Variants in ESRRG observed in about 807,000 individuals in gnomAD.
ESRRG encodes estrogen related receptor gamma, also known as estrogen-related receptor gamma.
Under a neutral mutation model 44.0 loss-of-function variants are expected in ESRRG, and 13 were observed. The ratio of observed to expected loss-of-function variants is 0.30; its 90% CI spans 0.19 to 0.47. The LOEUF (loss-of-function observed/expected upper bound fraction) is 0.47. Among genes scored for constraint, ESRRG ranks in the 20% least tolerant of loss-of-function variants. The pLI is 1.00. For synonymous variants in ESRRG, 215 were observed against 214.6 expected (o/e 1.00, Z -0.02); for missense variants, 395 against 580.6 (o/e 0.68, Z 3.29).
rs191990461 is a variant in ESRRG at position 216,567,462 on chromosome 1, G to C, written c.700+526C>G. Among the ~76,000 whole-genome samples, 500 of 152,248 alleles carry C rather than the reference G, an allele frequency of 3.3e-3. 3 individuals are homozygous for C. The highest frequency in any genetic ancestry group is 4.5e-3 in the Non-Finnish European group (309 of 68,028). On this transcript the variant is annotated intron_variant, in intron 4 of 6. Transcript: ENST00000408911. ...CAGCCACCTATGCTTGTTATTAGTA[G>C]TGCCCATTCTTGTTTTAATCTATTG...
intron 1 of ESRRG, among the ~76,000 whole-genome samples, chr1:217,026,888 T>TACAC (rs71163785): frequency 0.015 from 1,562 of 105,278 alleles, 63 homozygotes; most frequent in Admixed American, 0.072. Context: ...CACACACACA[T>TACAC]ACACACACAC....
chr1:216,980,405 T>C (rs544590512), intron 1 of ESRRG, among the ~76,000 whole-genome samples: 10 of 152,182 alleles, frequency 6.6e-5, no homozygotes, highest in African/African-American at 2.2e-4. Flanking sequence ...TTACTCCAAG[T>C]CTGTTTTATT....
intron 1 of ESRRG, among the ~76,000 whole-genome samples, chr1:217,016,210 G>T (rs1579528991): frequency 6.6e-6 from 1 of 152,128 alleles, no homozygotes; most frequent in Non-Finnish European, 1.5e-5. Context: ...TGCAGACTGA[G>T]ATAGTCTGCA....
intron 5 of ESRRG, among the ~76,000 whole-genome samples, chr1:216,550,248 A>G (rs2055876654): frequency 6.6e-6 from 1 of 152,156 alleles, no homozygotes; most frequent in Non-Finnish European, 1.5e-5. Flanking sequence ...TGAAAATACT[A>G]AAAATTGACT....
chr1:216,753,693 T>C (rs1405389686), intron 2 of ESRRG, among the ~76,000 whole-genome samples: 1 of 152,098 alleles, frequency 6.6e-6, no homozygotes, highest in Admixed American at 6.6e-5. Context: ...TAACAAAGTG[T>C]ATAGGTATAG....
At chr1:216,738,206 A>G (rs1485352328) in intron 2 of ESRRG, among the ~76,000 whole-genome samples, 2 of 152,138 alleles carry the variant, frequency 1.3e-5, no homozygotes, top group Non-Finnish European at 2.9e-5. Context: ...TGCAGCCAAC[A>G]TTAAAAAGAA....
chr1:217,086,289 G>A (rs2151533024), intron 1 of ESRRG, among the ~76,000 whole-genome samples: 1 of 152,318 alleles, frequency 6.6e-6, no homozygotes, highest in Non-Finnish European at 1.5e-5. Context: ...GTTTCTTAGT[G>A]AGAATAACTC....
chr1:216,771,166 C>A (rs2093363368), intron 2 of ESRRG, among the ~76,000 whole-genome samples: 1 of 152,060 alleles, frequency 6.6e-6, no homozygotes, highest in South Asian at 2.1e-4. Context: ...AGGCACATTT[C>A]TTTGCCAAAT....
intron 6 of ESRRG, among the ~76,000 whole-genome samples, chr1:216,510,684 G>A (rs1272229911): frequency 6.6e-6 from 1 of 152,096 alleles, no homozygotes; most frequent in African/African-American, 2.4e-5. Context: ...AGGAGATCGA[G>A]ACCATCCTGG....
At chr1:216,704,796 C>A (rs1297402915) in intron 1 of ESRRG, among the ~76,000 whole-genome samples, 1 of 151,538 alleles carries the variant, frequency 6.6e-6, no homozygotes, top group African/African-American at 2.4e-5. Context: ...TTAAATAAAA[C>A]CCCCTACCCA....
intron 1 of ESRRG, among the ~76,000 whole-genome samples, chr1:216,961,888 C>T (rs2069177742): frequency 6.6e-6 from 1 of 152,100 alleles, no homozygotes. Context: ...CACATATACG[C>T]ACACAAAATA....
chr1:216,532,177 C>T (rs747903487), intron 5 of ESRRG, among the ~76,000 whole-genome samples: 5 of 151,458 alleles, frequency 3.3e-5, no homozygotes, highest in East Asian at 2.0e-4. Flanking sequence ...AATTAGCCAT[C>T]GGCAGACTCT....
intron 1 of ESRRG, among the ~76,000 whole-genome samples, chr1:217,056,224 C>G (rs2087055531): frequency 6.6e-6 from 1 of 152,122 alleles, no homozygotes; most frequent in African/African-American, 2.4e-5. Context: ...CCATGTTAGA[C>G]TGTGGCGTAA....
chr1:216,670,990 ATCTTGATTTAT>A (rs1453419661), intron 2 of ESRRG, among the ~76,000 whole-genome samples: 1 of 152,178 alleles, frequency 6.6e-6, no homozygotes, highest in Non-Finnish European at 1.5e-5. Context: ...GTGATTTGGT[ATCTTGATTTAT>A]AACATTAACA....
chr1:216,955,186 C>G (rs926728140), intron 1 of ESRRG, among the ~76,000 whole-genome samples: 3 of 152,048 alleles, frequency 2.0e-5, no homozygotes, highest in Admixed American at 1.3e-4. Context: ...CAACCTCTCC[C>G]ATCCTTCCCT....
intron 3 of ESRRG, among the ~76,000 whole-genome samples, chr1:216,596,745 G>T (rs533102490): frequency 2.0e-5 from 3 of 152,196 alleles, no homozygotes; most frequent in Admixed American, 2.0e-4. Flanking sequence ...AGGCTTCCTC[G>T]TCCAAACAGT....
At chr1:217,090,801 G>T (rs765744629), upstream of ESRRG, among the ~76,000 whole-genome samples, 1 of 152,164 alleles carries the variant, frequency 6.6e-6, no homozygotes, top group Non-Finnish European at 1.5e-5. Flanking sequence ...TTCTACAACA[G>T]CAGGAAAACT....
At chr1:216,623,234 C>G (rs1574291384) in intron 3 of ESRRG, among the ~76,000 whole-genome samples, 1 of 152,054 alleles carries the variant, frequency 6.6e-6, no homozygotes, top group South Asian at 2.1e-4. Flanking sequence ...AGGGGCCCAC[C>G]ACCACGCCCG....
At chr1:216,650,453 T>C (rs911996221) in intron 3 of ESRRG, among the ~76,000 whole-genome samples, 1 of 152,198 alleles carries the variant, frequency 6.6e-6, no homozygotes, top group Non-Finnish European at 1.5e-5. Context: ...CACATGTCAC[T>C]GTTGCTATTT....
Sources: allele counts gnomAD v4.1 joint callset (sites outside exome capture counted in the v4.1 genomes callset), GRCh38; gene constraint gnomAD v4.1.1; transcripts MANE v1.5; gene names NCBI Gene and HGNC (gene_info 2026-07-23, HGNC 2026-07-21).